The following GRIK1 variants were observed in gnomAD, a reference collection of about 807,000 sequenced individuals.
The protein encoded by GRIK1 is glutamate ionotropic receptor kainate type subunit 1, also known as glutamate receptor ionotropic, kainate 1.
GRIK1 carries 69 observed loss-of-function variants against 105.7 expected under a neutral mutation model. The observed-to-expected ratio is 0.65, with a 90% CI of 0.54 to 0.80. The LOEUF is 0.80. Ranked by LOEUF, GRIK1 falls within the 30% of genes least tolerant of loss-of-function variation. GRIK1 has a pLI of 0.00. For missense variants in GRIK1, 1,109 were observed against 1,167.3 expected, an observed-to-expected ratio of 0.95 and a Z score of 0.73; for synonymous variants, 438 against 431.3, an observed-to-expected ratio of 1.02 and a Z score of -0.19.
At chr21:29,553,627 C>T (rs766225416) in intron 16 of GRIK1, 34 of 1,608,182 alleles carry the variant, frequency 2.1e-5, no homozygotes, top group Middle Eastern at 3.3e-4. Context: ...ATTCTAAATC[C>T]GTAGATAAAG....
chr21:29,641,202 C>G (rs542933615), intron 7 of GRIK1, among the ~76,000 whole-genome samples: 1 of 152,124 alleles, frequency 6.6e-6, no homozygotes, highest in Non-Finnish European at 1.5e-5. Flanking sequence ...TGTCCCCACC[C>G]AAATCTCATC....
intron 1 of GRIK1, among the ~76,000 whole-genome samples, chr21:29,765,939 C>T (rs1169588653): frequency 1.3e-5 from 2 of 151,948 alleles, no homozygotes; most frequent in Admixed American, 1.3e-4. Flanking sequence ...GCAAGTTCCA[C>T]CTCCCGGGTT....
At chr21:29,612,606 A>G (rs2061753193) in intron 7 of GRIK1, among the ~76,000 whole-genome samples, 1 of 152,220 alleles carries the variant, frequency 6.6e-6, no homozygotes, top group African/African-American at 2.4e-5. Context: ...CTGAGATATC[A>G]ATGATGCTTG....
intron 1 of GRIK1, among the ~76,000 whole-genome samples, chr21:29,770,064 T>G (rs2065776256): frequency 6.6e-6 from 1 of 152,214 alleles, no homozygotes; most frequent in Non-Finnish European, 1.5e-5. Flanking sequence ...TATTCTATAG[T>G]CCTTCCCTGA....
At chr21:29,855,113 C>T (rs972740438) in intron 1 of GRIK1, among the ~76,000 whole-genome samples, 1 of 152,170 alleles carries the variant, frequency 6.6e-6, no homozygotes, top group African/African-American at 2.4e-5. Context: ...CATAGACAGT[C>T]ATCTTGTAGT....
chr21:29,612,550 G>A (rs754761863), intron 7 of GRIK1, among the ~76,000 whole-genome samples: 8 of 152,106 alleles, frequency 5.3e-5, no homozygotes, highest in Non-Finnish European at 1.0e-4. Context: ...TACATTGTCA[G>A]TGCATTCATT....
chr21:29,591,444 A>C (rs1210058843), intron 9 of GRIK1, among the ~76,000 whole-genome samples: 1 of 140,432 alleles, frequency 7.1e-6, no homozygotes, highest in Non-Finnish European at 1.5e-5. Context: ...GGGTAGGTGG[A>C]GGTCTTTTTC....
At chr21:29,564,401 C>T (rs1442143954) in intron 14 of GRIK1, among the ~76,000 whole-genome samples, 1 of 152,198 alleles carries the variant, frequency 6.6e-6, no homozygotes, top group East Asian at 1.9e-4. Context: ...CCCGCCTCGG[C>T]CTCCCAAAGT....
chr21:29,894,711 T>G (rs1438911005), intron 1 of GRIK1, among the ~76,000 whole-genome samples: 1 of 152,180 alleles, frequency 6.6e-6, no homozygotes, highest in Admixed American at 6.5e-5. Flanking sequence ...ATGTGCACTT[T>G]AGCCTGAAAG....
At chr21:29,938,752 C>A (rs1190697852) in intron 1 of GRIK1, among the ~76,000 whole-genome samples, 2 of 152,126 alleles carry the variant, frequency 1.3e-5, no homozygotes, top group African/African-American at 2.4e-5. Flanking sequence ...GCTAACTGAC[C>A]GTCCTTCTCA....
intron 1 of GRIK1, among the ~76,000 whole-genome samples, chr21:29,739,810 C>A (rs1360419580): frequency 6.6e-6 from 1 of 152,032 alleles, no homozygotes; most frequent in Non-Finnish European, 1.5e-5. Context: ...ATTTGATTTC[C>A]ACCAACATCC....
At chr21:29,633,454 C>T (rs2062329657) in intron 7 of GRIK1, among the ~76,000 whole-genome samples, 1 of 152,050 alleles carries the variant, frequency 6.6e-6, no homozygotes, top group South Asian at 2.1e-4. Flanking sequence ...ACCAAGATCG[C>T]ACCACTGCAC....
At position 29,597,075 on chromosome 21, in the gene GRIK1, A is replaced by G. The variant is rs363468; in HGVS notation, c.1207-505T>C. ...AGTAGAAATTTGAGTGAAAGTGAGA[A>G]TGGGATTTTTCTAATAATTTTCCCT... is the stretch of plus-strand genomic sequence containing the variant. On this transcript the variant is annotated intron_variant, in intron 8 of 17. Transcript: ENST00000327783. Among the ~76,000 whole-genome samples, 70 of 152,276 alleles carry G rather than the reference A, an allele frequency of 4.6e-4. 1 individual carries two copies. In the South Asian group the frequency reaches 0.013, roughly 29 times the overall value.
intron 1 of GRIK1, among the ~76,000 whole-genome samples, chr21:29,724,140 C>T: frequency 6.6e-6 from 1 of 152,220 alleles, no homozygotes; most frequent in East Asian, 1.9e-4. Context: ...ACAACCACAA[C>T]TACAAAATCG....
intron 7 of GRIK1, among the ~76,000 whole-genome samples, chr21:29,625,307 A>C (rs2062100445): frequency 6.6e-6 from 1 of 152,190 alleles, no homozygotes; most frequent in Non-Finnish European, 1.5e-5. Context: ...GTGAGAAGTA[A>C]TTCATTTTCA....
At chr21:29,782,537 G>A (rs1170061380) in intron 1 of GRIK1, among the ~76,000 whole-genome samples, 3 of 152,184 alleles carry the variant, frequency 2.0e-5, no homozygotes, top group African/African-American at 7.2e-5. Flanking sequence ...ATGAGGTCTA[G>A]GATTCTCTTT....
At position 29,939,424 on chromosome 21, in the gene GRIK1, C is replaced by T; in HGVS notation, c.77G>A (p.Cys26Tyr). The change falls in exon 1 of 18, where the codon TGC becomes TAC. Residue 26 changes from cysteine to tyrosine, a missense_variant. Cys to Tyr is a radical substitution (Grantham distance 194). Around this residue, in one of 5 missense-constraint regions of GRIK1, gnomAD observed 612 missense variants for 586.0 expected, o/e 1.04. Coordinates refer to ENST00000327783, the MANE Select transcript of GRIK1 (RefSeq NM_001330994.2). ...CGGGGCGGTCTGAGGGAGGATATAG[C>T]AGAGGAAATAGAGGAGTGCCCAGCT... The part of the protein sequence containing the change: ...DTSWALLYFL[C>Y]YILPQTAPQV... 7 of 1,584,040 alleles carry T rather than the reference C, an allele frequency of 4.4e-6. No individual in the cohort carries two copies. Among genetic ancestry groups the T allele is most frequent in the Middle Eastern group, 1.7e-4 (1 of 6,018 alleles).
intron 16 of GRIK1, among the ~76,000 whole-genome samples, chr21:29,538,237 G>C (rs2089913457): frequency 6.6e-6 from 1 of 152,066 alleles, no homozygotes. Flanking sequence ...ATAATGTCCT[G>C]GTTAGAGAAA....
At chr21:29,661,339 T>G (rs150084844) in intron 4 of GRIK1, among the ~76,000 whole-genome samples, 2 of 152,206 alleles carry the variant, frequency 1.3e-5, no homozygotes, top group African/African-American at 4.8e-5. Context: ...TACCTGGAGA[T>G]GGATTTTACA....
Sources: gnomAD v4.1 joint callset for allele counts (sites outside exome capture counted in the v4.1 genomes callset) on GRCh38, gnomAD v4.1.1 for gene constraint, gnomAD v4.1.1 regional missense constraint, MANE v1.5 for transcripts, NCBI Gene and HGNC (gene_info 2026-07-23, HGNC 2026-07-21) for gene names.